CLTCL1: variants seen among roughly 807,000 people sequenced by gnomAD.
The protein encoded by CLTCL1 is clathrin heavy chain like 1.
Under a neutral mutation model 190.0 loss-of-function variants are expected in CLTCL1, and 159 were observed. The observed-to-expected ratio is 0.84, with a 90% CI of 0.74 to 0.95. The LOEUF (loss-of-function observed/expected upper bound fraction) is 0.95, where lower values mean the gene tolerates loss of function less well. Ranked by LOEUF, CLTCL1 falls within the 40% of genes least tolerant of loss-of-function variation. The probability of loss-of-function intolerance (pLI) is 0.00; values close to 1 mark genes in which losing one functional copy is unlikely to be tolerated. For synonymous variants in CLTCL1, 752 were observed against 769.6 expected (o/e 0.98, Z 0.38); for missense variants, 1,878 against 2,033.4 (o/e 0.92, Z 1.47).
intron 1 of CLTCL1, 53 bp from the exon 2 acceptor site, chr22:19,275,883 C>T: frequency 6.8e-7 from 1 of 1,480,598 alleles, no homozygotes; most frequent in Non-Finnish European, 9.2e-7. Context: ...AATGGACTGA[C>T]TGTAGCCAAA....
chr22:19,190,596 C>CAAAAAAAAAAAAAAAAAAAAAAAAAAA (rs55780206), intron 27 of CLTCL1, among the ~76,000 whole-genome samples: 2 of 72,820 alleles, frequency 2.7e-5, no homozygotes, highest in African/African-American at 5.5e-5. Flanking sequence ...AAGACTGTCT[C>CAAAAAAAAAAAAAAAAAAAAAAAAAAA]AAAAAAAAAA....
intron 19 of CLTCL1, among the ~76,000 whole-genome samples, chr22:19,215,617 C>T (rs1601544000): frequency 6.6e-6 from 1 of 152,350 alleles, no homozygotes; most frequent in African/African-American, 2.4e-5. Context: ...ATCGGAAGCA[C>T]GCACTCGCAC....
At position 19,251,332 on chromosome 22, in the gene CLTCL1, C is replaced by A. The variant is rs188049336; in HGVS notation, c.519+2627G>T. Among the ~76,000 whole-genome samples, 263 of 152,190 alleles carry A rather than the reference C, an allele frequency of 1.7e-3. 1 individual carries two copies. The highest frequency in any genetic ancestry group is 5.6e-3 in the African/African-American group (234 of 41,510). On this transcript the variant is annotated intron_variant, in intron 3 of 32. Transcript: ENST00000427926. Reference sequence around the variant, plus strand: ...TGCAAACTGATATTGTATTCTGTAACCTTGTTCAATTTGTTTATTAGTTCT... The same window carrying A: ...TGCAAACTGATATTGTATTCTGTAAACTTGTTCAATTTGTTTATTAGTTCT...
chr22:19,269,810 T>C (rs2087246638), intron 2 of CLTCL1, among the ~76,000 whole-genome samples: 2 of 151,992 alleles, frequency 1.3e-5, no homozygotes, highest in Non-Finnish European at 2.9e-5. Flanking sequence ...AGAGAGAGCA[T>C]CAGGACAAAG....
At chr22:19,200,607 G>A (rs143830008) in intron 23 of CLTCL1, among the ~76,000 whole-genome samples, 1,768 of 152,302 alleles carry the variant, frequency 0.012, 35 homozygotes, top group African/African-American at 0.039. Context: ...TTGGGAGGCT[G>A]AGGTGGGTGG....
intron 2 of CLTCL1, among the ~76,000 whole-genome samples, chr22:19,264,712 A>G (rs1394862771): frequency 1.3e-5 from 2 of 152,208 alleles, no homozygotes; most frequent in Non-Finnish European, 2.9e-5. Context: ...CTTTAATGAT[A>G]TCATGATATA....
intron 3 of CLTCL1, among the ~76,000 whole-genome samples, chr22:19,244,882 G>C (rs2097797468): frequency 6.6e-6 from 1 of 152,198 alleles, no homozygotes; most frequent in African/African-American, 2.4e-5. Context: ...CATGCTAGGG[G>C]CCAGGGATAA....
At position 19,263,745 on chromosome 22, in the gene CLTCL1, A is replaced by AT. The variant is rs1196823931; in HGVS notation, c.251-9519dup. 5.9e-5 allele frequency among the ~76,000 whole-genome samples: 9 copies of AT among 152,252 alleles called. No individual in the cohort carries two copies. In the East Asian group the frequency reaches 1.2e-3, roughly 20 times the overall value. On this transcript the variant is annotated intron_variant, in intron 2 of 32. Transcript: ENST00000427926. ...AATTATTTTTTAATTAAGATAATCC[A>AT]TTTTTTTAGACATAATGCTATTTCA...
At chr22:19,251,833 G>C (rs1414812921) in intron 3 of CLTCL1, among the ~76,000 whole-genome samples, 1 of 152,252 alleles carries the variant, frequency 6.6e-6, no homozygotes, top group Non-Finnish European at 1.5e-5. Flanking sequence ...AACAGAAGTA[G>C]CAAGAGAAGA....
In CLTCL1 at chr22:19,189,143, T is replaced by G. The variant is rs550648669; in HGVS notation, c.4324-1052A>C. Among the ~76,000 whole-genome samples, 6 of 152,276 alleles carry G rather than the reference T, an allele frequency of 3.9e-5. No individual in the cohort carries two copies. The East Asian group carries it at 9.7e-4, about 25-fold the overall frequency. ...TGGTCTCGACCTCCTGACCTCATGA[T>G]CCACACGCCTTGGCCTCCCAAAGTG... On this transcript the variant is annotated intron_variant, in intron 27 of 32. Transcript: ENST00000427926.
chr22:19,219,374 G>C (rs1196054844), intron 18 of CLTCL1, among the ~76,000 whole-genome samples: 1 of 151,850 alleles, frequency 6.6e-6, no homozygotes, highest in Non-Finnish European at 1.5e-5. Flanking sequence ...TAGTAGAGAT[G>C]GGGTTTCACT....
chr22:19,255,767 G>A (rs558257648), intron 2 of CLTCL1, among the ~76,000 whole-genome samples: 8 of 151,410 alleles, frequency 5.3e-5, no homozygotes, highest in South Asian at 2.1e-4. Context: ...AAAATTAGCC[G>A]GGCATGGTGG....
chr22:19,220,135 C>T (rs1165070067), intron 17 of CLTCL1, 128 bp from the exon 18 acceptor site: 12 of 1,168,726 alleles, frequency 1.0e-5, no homozygotes, highest in African/African-American at 3.0e-5. Flanking sequence ...CCAGGCAAGA[C>T]GCTATGCTTT....
In CLTCL1 at chr22:19,208,979, T is replaced by C. The variant is rs2085136267; in HGVS notation, c.3385A>G (p.Ile1129Val). The part of the protein sequence containing the change: ...DLVKEAINSY[I>V]RGDDPSSYLE... ...TAAGAGGAAGGGTCGTCCCCTCTGA[T>C]ATAGGAGTTGATGGCTTCCTTCACC... The change falls in exon 21 of 33, where the codon ATC becomes GTC. Residue 1129 changes from isoleucine (I) to valine (V), a missense_variant. Transcript: ENST00000427926. 1 of 1,611,958 alleles carries C rather than the reference T, an allele frequency of 6.2e-7. No homozygotes were observed. The highest frequency in any genetic ancestry group is 8.5e-7 in the Non-Finnish European group (1 of 1,179,204).
intron 23 of CLTCL1, among the ~76,000 whole-genome samples, chr22:19,201,086 T>C (rs2084866140): frequency 6.6e-6 from 1 of 152,204 alleles, no homozygotes; most frequent in Admixed American, 6.5e-5. Flanking sequence ...ATGAAAATAC[T>C]TATAATACTG....
In CLTCL1 at chr22:19,283,015, G is replaced by T. The variant is rs374627866; in HGVS notation, c.43-7185C>A. ...GCCTCCCAAGTAGCTGGGACTACAA[G>T]TGCCCACTACCACGCCTGGCTAATT... On this transcript the variant is annotated intron_variant, in intron 1 of 32. Coordinates refer to ENST00000427926, the MANE Select transcript of CLTCL1 (RefSeq NM_007098.4). Among the ~76,000 whole-genome samples, 5 of 151,718 alleles carry T rather than the reference G, an allele frequency of 3.3e-5. No homozygotes were observed. In the East Asian group the frequency reaches 5.9e-4, roughly 18 times the overall value.
At chr22:19,287,230 C>T (rs1555990615) in intron 1 of CLTCL1, among the ~76,000 whole-genome samples, 2 of 152,138 alleles carry the variant, frequency 1.3e-5, no homozygotes, top group African/African-American at 4.8e-5. Flanking sequence ...AGCTCACAAT[C>T]CAGCAGAGAA....
intron 20 of CLTCL1, 82 bp downstream of exon 20, chr22:19,210,244 T>C: frequency 7.2e-7 from 1 of 1,385,646 alleles, no homozygotes; most frequent in Non-Finnish European, 1.0e-6. Context: ...CTGACACCCT[T>C]GGAGAGGACA....
At chr22:19,276,274 C>A (rs2087500456) in intron 1 of CLTCL1, among the ~76,000 whole-genome samples, 1 of 152,048 alleles carries the variant, frequency 6.6e-6, no homozygotes, top group African/African-American at 2.4e-5. Flanking sequence ...CTCCAAAAGG[C>A]AAGAAAAAAG....
Sources: allele counts gnomAD v4.1 joint callset (sites outside exome capture counted in the v4.1 genomes callset), GRCh38; gene constraint gnomAD v4.1.1; transcripts MANE v1.5; gene names NCBI Gene and HGNC (gene_info 2026-07-23, HGNC 2026-07-21).